UTS2R: variants seen among roughly 807,000 people sequenced by gnomAD.
The protein encoded by UTS2R is urotensin-2 receptor.
For synonymous variants in UTS2R, 335 were observed against 280.9 expected, an observed-to-expected ratio of 1.19 and a Z score of -1.93; for missense variants, 653 against 562.2, an observed-to-expected ratio of 1.16 and a Z score of -1.63.
rs1212364910 is a variant in UTS2R, at chr17:82,375,143, C to G, written c.819C>G (p.Pro273=). 1 of 1,536,644 alleles carries G rather than the reference C, an allele frequency of 6.5e-7. No individual in the cohort carries two copies. The highest frequency in any genetic ancestry group is 8.8e-7 in the Non-Finnish European group (1 of 1,142,306). ...TGCTCTTCTGGGCCTGCTTCCTGCC[C>G]TTCTGGCTGTGGCAGCTGCTCGCCC... is the stretch of plus-strand genomic sequence containing the variant. ...IVLLFWACFL[P]FWLWQLLAQY... is the part of the protein sequence containing the mutation. Residue 273 remains proline (P), a synonymous_variant, in exon 3 of 3, where the codon CCC becomes CCG. Coordinates refer to ENST00000313135, the MANE Select transcript of UTS2R (RefSeq NM_018949.3).
At position 82,374,779 on chromosome 17, in the gene UTS2R, T is replaced by C; in HGVS notation, c.455T>C (p.Val152Ala). Residue 152 changes from valine (V) to alanine (A), a missense_variant, in exon 3 of 3, where the codon GTG becomes GCG. By Grantham distance (64) the Val-to-Ala change is moderately conservative. Coordinates refer to ENST00000313135, the MANE Select transcript of UTS2R (RefSeq NM_018949.3). Reference sequence around the variant, plus strand: ...ATGAGCAGCGAGCGCTACGCTGCGGTGCTGCGGCCGCTGGACACCGTGCAG... The same window carrying C: ...ATGAGCAGCGAGCGCTACGCTGCGGCGCTGCGGCCGCTGGACACCGTGCAG... Reference protein sequence around the residue: ...TVMSSERYAAVLRPLDTVQRP... With the variant: ...TVMSSERYAAALRPLDTVQRP... 2 of 1,598,402 alleles carry C rather than the reference T, an allele frequency of 1.3e-6. No individual in the cohort carries two copies. The highest frequency in any genetic ancestry group is 1.7e-6 in the Non-Finnish European group (2 of 1,174,556).
rs536506503 is a variant in UTS2R, at chr17:82,374,411, C to T, written c.87C>T (p.Asn29=). 6.3e-6 allele frequency: 10 copies of T among 1,596,546 alleles called. No individual in the cohort carries two copies. In the East Asian group the frequency reaches 6.8e-5, roughly 11 times the overall value. Residue 29 remains asparagine, a synonymous_variant, in exon 3 of 3, where the codon AAC becomes AAT. Coordinates refer to ENST00000313135, the MANE Select transcript of UTS2R (RefSeq NM_018949.3). ...TGCCGGAGCCGCCTGGCGGCCCCAACGCAACCCTCAACAGCTCCTGGGCCA... is the reference window on the plus strand; with the variant it reads ...TGCCGGAGCCGCCTGGCGGCCCCAATGCAACCCTCAACAGCTCCTGGGCCA... ...SSVPEPPGGP[N]ATLNSSWASP... is the part of the protein sequence containing the mutation.
rs35844005 is a variant in UTS2R, at chr17:82,376,902, C to T, written c.*1408C>T. ...CCGGGAGGTGAGGGGCGCCTCTGCC[C>T]GGCCACCCCTACTGGGAAGTGAGGA... On this transcript the variant is annotated 3_prime_UTR_variant, in exon 3 of 3. Coordinates refer to ENST00000313135, the MANE Select transcript of UTS2R (RefSeq NM_018949.3). Among the ~76,000 whole-genome samples, 36,160 of 151,884 alleles carry T rather than the reference C, an allele frequency of 0.24. 4,715 individuals are homozygous for T. Among genetic ancestry groups the T allele is most frequent in the Non-Finnish European group, 0.3 (20,581 of 67,846 alleles).
chr17:82,376,489 G>GC lies in UTS2R; in HGVS notation c.*996dup, dbSNP rs143119113. On this transcript the variant is annotated 3_prime_UTR_variant, in exon 3 of 3. Transcript: ENST00000313135. ...CTTGGGGCTCCATCTGAACACTGGG[G>GC]CAAGGGTCATGCCCGCTTGGTCCCT... 5.1e-3 allele frequency among the ~76,000 whole-genome samples: 771 copies of GC among 152,280 alleles called. 6 individuals are homozygous for GC. The highest frequency in any genetic ancestry group is 0.018 in the African/African-American group (734 of 41,534).
chr17:82,373,508 G>T (rs919899379), intron 2 of UTS2R, among the ~76,000 whole-genome samples: 1 of 152,126 alleles, frequency 6.6e-6, no homozygotes, highest in African/African-American at 2.4e-5. Context: ...TTATGATTTC[G>T]CTCTCTTGGT....
intron 2 of UTS2R, among the ~76,000 whole-genome samples, chr17:82,373,051 C>CG (rs1191836314): frequency 6.6e-6 from 1 of 152,206 alleles, no homozygotes; most frequent in East Asian, 1.9e-4. Context: ...AGGAAGTCCC[C>CG]GGTCACGGTT....
chr17:82,373,269 C>T (rs1056527500), intron 2 of UTS2R, among the ~76,000 whole-genome samples: 1 of 152,234 alleles, frequency 6.6e-6, no homozygotes, highest in East Asian at 1.9e-4. Flanking sequence ...TCAAACAATT[C>T]TCCTGCCTCA....
In UTS2R at chr17:82,375,301, T is replaced by C. The variant is rs1025567015; in HGVS notation, c.977T>C (p.Leu326Pro). 13 of 1,548,912 alleles carry C rather than the reference T, an allele frequency of 8.4e-6. No homozygotes were observed. Among genetic ancestry groups the C allele is most frequent in the South Asian group, 1.2e-5 (1 of 83,746 alleles). The change falls in exon 3 of 3, where the codon CTG becomes CCG. Residue 326 changes from leucine (L) to proline (P), a missense_variant. Coordinates refer to ENST00000313135, the MANE Select transcript of UTS2R (RefSeq NM_018949.3). ...CTCACCAGGAACTACCGCGACCACC[T>C]GCGCGGCCGCGTGCGGGGCCCGGGC... ...TLLTRNYRDHLRGRVRGPGSG... is the reference protein window; with the variant it reads ...TLLTRNYRDHPRGRVRGPGSG...
rs748563957 is a variant in UTS2R, at chr17:82,375,014, C to T, written c.690C>T (p.Leu230=). 7.3e-6 allele frequency: 10 copies of T among 1,362,170 alleles called. No individual in the cohort carries two copies. The South Asian group carries it at 1.2e-4, about 16-fold the overall frequency. The allele number at this position is 1,362,170 out of a possible 1,614,324, so 84.4% of individuals were successfully genotyped here. A position where few individuals can be genotyped will look rare whatever the true frequency, so the allele number is the denominator to read the frequency against. Reference sequence around the variant, plus strand: ...GGCCCGGGCTGCTCATCGGGCTGCTCTACGCGCGCCTGGCCCGCGCCTACC... The same window carrying T: ...GGCCCGGGCTGCTCATCGGGCTGCTTTACGCGCGCCTGGCCCGCGCCTACC... ...IAGPGLLIGL[L]YARLARAYRR... The change falls in exon 3 of 3, where the codon CTC becomes CTT. Residue 230 remains leucine (L), a synonymous_variant. Coordinates refer to ENST00000313135, the MANE Select transcript of UTS2R (RefSeq NM_018949.3).
rs2052504274 is a variant in UTS2R at position 82,377,309 on chromosome 17, C to G, written c.*1815C>G. Among the ~76,000 whole-genome samples the G allele has an allele frequency of 6.6e-6, 1 of 151,934 alleles. No homozygotes were observed. Among genetic ancestry groups the G allele is most frequent in the South Asian group, 2.1e-4 (1 of 4,820 alleles). ...ATCACCACTCCCTAATCTCAAGTAC[C>G]CAGGGACACAAACACTGCGGAAGGC... is the stretch of plus-strand genomic sequence containing the variant. On this transcript the variant is annotated 3_prime_UTR_variant, in exon 3 of 3. Coordinates refer to ENST00000313135, the MANE Select transcript of UTS2R (RefSeq NM_018949.3).
In UTS2R at chr17:82,375,329, C is replaced by A; in HGVS notation, c.1005C>A (p.Ser335Arg). Residue 335 changes from serine (S) to arginine (R), a missense_variant, in exon 3 of 3, where the codon AGC becomes AGA. Transcript: ENST00000313135. ...HLRGRVRGPG[S>R]GGGRGPVPSL... Reference sequence around the variant, plus strand: ...GCGGCCGCGTGCGGGGCCCGGGCAGCGGGGGAGGCCGGGGGCCCGTTCCCT... The same window carrying A: ...GCGGCCGCGTGCGGGGCCCGGGCAGAGGGGGAGGCCGGGGGCCCGTTCCCT... 1 of 1,547,240 alleles carries A rather than the reference C, an allele frequency of 6.5e-7. No homozygotes were observed. The highest frequency in any genetic ancestry group is 8.7e-7 in the Non-Finnish European group (1 of 1,148,500).
chr17:82,373,559 T>G (rs2052464400), intron 2 of UTS2R, among the ~76,000 whole-genome samples: 5 of 152,260 alleles, frequency 3.3e-5, no homozygotes, highest in Admixed American at 6.5e-5. Flanking sequence ...CTTAGTCTTT[T>G]ATTGAAAGTA....
In UTS2R at chr17:82,375,508, C is replaced by T. The variant is rs2052489851; in HGVS notation, c.*14C>T. ...GCCCCGGCGTGAGCACGCGGAGGGGCGGCTGGAGTCCAGGCGGGGACGCGC... is the reference window on the plus strand; with the variant it reads ...GCCCCGGCGTGAGCACGCGGAGGGGTGGCTGGAGTCCAGGCGGGGACGCGC... On this transcript the variant is annotated 3_prime_UTR_variant, in exon 3 of 3. Transcript: ENST00000313135. The T allele has an allele frequency of 5.2e-6, 6 of 1,146,010 alleles. No homozygotes were observed. The highest frequency in any genetic ancestry group is 7.1e-6 in the Non-Finnish European group (6 of 847,970). The allele number at this position is 1,146,010 out of a possible 1,614,324, so 71.0% of individuals were successfully genotyped here.
In UTS2R at chr17:82,375,192, CCGCGGACGG is replaced by C. The variant is rs2052484136; in HGVS notation, c.873_881del (p.Thr292_Arg294del). The C allele has an allele frequency of 1.3e-6, 2 of 1,560,886 alleles. No individual in the cohort carries two copies. The highest frequency in any genetic ancestry group is 8.7e-7 in the Non-Finnish European group (1 of 1,154,882). ...CCAGTACCACCAGGCCCCGCTGGCG[CCGCGGACGG>C]CGCGCATCGTCAACTACCTGACCAC... On this transcript the variant is annotated inframe_deletion, in exon 3 of 3. Coordinates refer to ENST00000313135, the MANE Select transcript of UTS2R (RefSeq NM_018949.3).
chr17:82,376,730 G>A lies in UTS2R; in HGVS notation c.*1236G>A, dbSNP rs2052498847. Among the ~76,000 whole-genome samples the A allele has an allele frequency of 6.6e-6, 1 of 152,250 alleles. No individual in the cohort carries two copies. ...GCCACAGAACTGTGCACCTGAATGT[G>A]TGAGTTCTGTCGTGTTTTACTTTAA... On this transcript the variant is annotated 3_prime_UTR_variant, in exon 3 of 3. Coordinates refer to ENST00000313135, the MANE Select transcript of UTS2R (RefSeq NM_018949.3).
In UTS2R at chr17:82,374,659, T is replaced by A; in HGVS notation, c.335T>A (p.Val112Asp). 2 of 1,613,484 alleles carry A rather than the reference T, an allele frequency of 1.2e-6. No homozygotes were observed. The highest frequency in any genetic ancestry group is 1.7e-6 in the Non-Finnish European group (2 of 1,179,942). ...ATCCCCTTCATCGTGGCCACCTACG[T>A]CACCAAGGAGTGGCACTTCGGGGAC... ...LSIPFIVATY[V>D]TKEWHFGDVG... Residue 112 changes from valine to aspartate, a missense_variant, in exon 3 of 3, where the codon GTC becomes GAC. Physicochemically the swap from Val to Asp is radical, Grantham distance 152. Coordinates refer to ENST00000313135, the MANE Select transcript of UTS2R (RefSeq NM_018949.3).
chr17:82,374,565 C>T lies in UTS2R; in HGVS notation c.241C>T (p.Arg81Cys), dbSNP rs1352027900. 1.9e-6 allele frequency: 3 copies of T among 1,595,800 alleles called. No homozygotes were observed. Among genetic ancestry groups the T allele is most frequent in the East Asian group, 2.3e-5 (1 of 44,002 alleles). The change falls in exon 3 of 3, where the codon CGT becomes TGT. Residue 81 changes from arginine (R) to cysteine (C), a missense_variant. By Grantham distance (180) the Arg-to-Cys change is radical. Coordinates refer to ENST00000313135, the MANE Select transcript of UTS2R (RefSeq NM_018949.3). Reference protein sequence around the residue: ...YTLVVTCRSLRAVASMYVYVV... With the variant: ...YTLVVTCRSLCAVASMYVYVV... ...GCTGGTGGTCACCTGCCGCTCCCTG[C>T]GTGCGGTGGCCTCCATGTACGTCTA...
Position 82,377,000 on chromosome 17 carries a change from A to C in UTS2R, c.*1506A>C, listed in dbSNP as rs2052502217. Among the ~76,000 whole-genome samples the C allele has an allele frequency of 6.6e-6, 1 of 152,246 alleles. No homozygotes were observed. The highest frequency in any genetic ancestry group is 2.4e-5 in the African/African-American group (1 of 41,474). ...TCATTGAGAACGGGCCATGATGACAATGGCGGTTTTGTGGAATAGAAAGGC... is the reference window on the plus strand; with the variant it reads ...TCATTGAGAACGGGCCATGATGACACTGGCGGTTTTGTGGAATAGAAAGGC... On this transcript the variant is annotated 3_prime_UTR_variant, in exon 3 of 3. Transcript: ENST00000313135.
Position 82,374,953 on chromosome 17 carries a change from C to A in UTS2R, c.629C>A (p.Ala210Asp). ...LPAWGPRAHR[A>D]YLTLLFATSI... ...GCCTGGGGCCCGCGCGCCCACCGCG[C>A]CTACCTGACGCTGCTCTTCGCCACC... is the stretch of plus-strand genomic sequence containing the variant. The change falls in exon 3 of 3, where the codon GCC becomes GAC. Residue 210 changes from alanine to aspartate, a missense_variant. Coordinates refer to ENST00000313135, the MANE Select transcript of UTS2R (RefSeq NM_018949.3). The A allele has an allele frequency of 8.9e-7, 1 of 1,129,218 alleles. No homozygotes were observed. Among genetic ancestry groups the A allele is most frequent in the Non-Finnish European group, 1.3e-6 (1 of 787,080 alleles). 69.9% of individuals were successfully genotyped at this position (1,129,218 alleles called of 1,614,324 possible). A position where few individuals can be genotyped will look rare whatever the true frequency, so the allele number is the denominator to read the frequency against.
Sources: gnomAD v4.1 joint callset for allele counts (sites outside exome capture counted in the v4.1 genomes callset) on GRCh38, gnomAD v4.1.1 for gene constraint, MANE v1.5 for transcripts, NCBI Gene and HGNC (gene_info 2026-07-23, HGNC 2026-07-21) for gene names.